The following ETV1 variants were observed in gnomAD, a reference collection of about 807,000 sequenced individuals.
The protein encoded by ETV1 is ETS variant transcription factor 1.
In ETV1, 27 loss-of-function variants were observed where a neutral mutation model predicts 62.3. The ratio of observed to expected loss-of-function variants is 0.43; its 90% CI spans 0.32 to 0.60. The LOEUF (loss-of-function observed/expected upper bound fraction) is 0.60, where lower values mean the gene tolerates loss of function less well. ETV1 is among the 20% of genes least tolerant of loss of function. The probability of loss-of-function intolerance (pLI) is 0.06; values close to 1 mark genes in which losing one functional copy is unlikely to be tolerated. For synonymous variants in ETV1, 222 were observed against 199.6 expected (o/e 1.11, Z -0.94); for missense variants, 605 against 605.8 (o/e 1.00, Z 0.01).
chr7:13,944,648 G>C (rs1787945348), intron 6 of ETV1, among the ~76,000 whole-genome samples: 1 of 145,082 alleles, frequency 6.9e-6, no homozygotes, highest in South Asian at 2.1e-4. Flanking sequence ...CTGAACACAG[G>C]AGCCCCAAAT....
At chr7:13,967,753 C>A (rs1031341484) in intron 6 of ETV1, among the ~76,000 whole-genome samples, 6 of 151,498 alleles carry the variant, frequency 4.0e-5, no homozygotes, top group Non-Finnish European at 7.4e-5. Flanking sequence ...CATACAATTA[C>A]GATGTGAAGG....
intron 6 of ETV1, among the ~76,000 whole-genome samples, chr7:13,943,658 G>A (rs1787814745): frequency 6.6e-6 from 1 of 152,124 alleles, no homozygotes; most frequent in Non-Finnish European, 1.5e-5. Flanking sequence ...CATGGCATAT[G>A]CATACAATGG....
At chr7:13,913,172 A>C (rs1299531339) in intron 9 of ETV1, among the ~76,000 whole-genome samples, 6 of 152,254 alleles carry the variant, frequency 3.9e-5, no homozygotes, top group African/African-American at 1.4e-4. Flanking sequence ...TTGCATATGC[A>C]TTCAGTTCTG....
Position 13,936,490 on chromosome 7 carries a change from T to C in ETV1, c.366-594A>G, listed in dbSNP as rs138783520. On this transcript the variant is annotated intron_variant, in intron 7 of 13. Coordinates refer to ENST00000430479, the MANE Select transcript of ETV1 (RefSeq NM_004956.5). ...TAATGAGGTAAATTAAAATGTCTGA[T>C]ATATTTAAACTTTCTTAGAGAATAA... Among the ~76,000 whole-genome samples, 280 of 152,344 alleles carry C rather than the reference T, an allele frequency of 1.8e-3. 3 individuals carry two copies. The Middle Eastern group carries it at 0.058, about 31-fold the overall frequency.
At chr7:13,925,618 T>G (rs1197529776) in intron 9 of ETV1, among the ~76,000 whole-genome samples, 1 of 151,370 alleles carries the variant, frequency 6.6e-6, no homozygotes, top group Non-Finnish European at 1.5e-5. Flanking sequence ...CAGGCTGGAG[T>G]GCGGTGGCGC....
chr7:13,962,798 T>C (rs561035934), intron 6 of ETV1, among the ~76,000 whole-genome samples: 4 of 152,288 alleles, frequency 2.6e-5, no homozygotes, highest in Non-Finnish European at 5.9e-5. Flanking sequence ...GTGCATTATG[T>C]TATAAATTAG....
chr7:13,924,215 C>T (rs1785162204), intron 9 of ETV1, among the ~76,000 whole-genome samples: 1 of 152,044 alleles, frequency 6.6e-6, no homozygotes. Flanking sequence ...AAGTGTAAGC[C>T]ACTGAGCCAT....
At chr7:13,915,622 G>A (rs1289655981) in intron 9 of ETV1, among the ~76,000 whole-genome samples, 1 of 152,160 alleles carries the variant, frequency 6.6e-6, no homozygotes. Context: ...TTATGCAGAT[G>A]TGTTTAAATG....
intron 5 of ETV1, chr7:13,985,514 A>G (rs1159394401): frequency 6.6e-6 from 1 of 152,234 alleles, no homozygotes; most frequent in Admixed American, 6.6e-5. Context: ...GATCAACTGC[A>G]TTCAAGACCA....
At chr7:13,914,978 C>A (rs1783994161) in intron 9 of ETV1, among the ~76,000 whole-genome samples, 1 of 151,874 alleles carries the variant, frequency 6.6e-6, no homozygotes, top group African/African-American at 2.4e-5. Flanking sequence ...ATTATAACCT[C>A]TAAATAAGGG....
intron 11 of ETV1, chr7:13,907,776 C>T (rs982045956): frequency 6.5e-6 from 3 of 464,278 alleles, no homozygotes; most frequent in Non-Finnish European, 1.3e-5. Flanking sequence ...CCAAATTGCA[C>T]ACTTTCTAAA....
At chr7:13,896,648 G>A (rs1432524859) in intron 13 of ETV1, among the ~76,000 whole-genome samples, 3 of 97,012 alleles carry the variant, frequency 3.1e-5, no homozygotes, top group East Asian at 2.8e-4. Context: ...GGCAGTGTGT[G>A]TTGAAAGAAG....
intron 9 of ETV1, among the ~76,000 whole-genome samples, chr7:13,920,400 C>T (rs1430415145): frequency 6.6e-6 from 1 of 151,982 alleles, no homozygotes; most frequent in African/African-American, 2.4e-5. Context: ...ACACTACACC[C>T]TTCAGCTCTG....
intron 6 of ETV1, among the ~76,000 whole-genome samples, chr7:13,939,737 C>A (rs1787255443): frequency 6.6e-6 from 1 of 152,104 alleles, no homozygotes; most frequent in African/African-American, 2.4e-5. Context: ...AGGCGCAGGT[C>A]CAGAAGTGAC....
At chr7:13,934,306 G>A (rs531076524) in intron 8 of ETV1, among the ~76,000 whole-genome samples, 127 of 152,330 alleles carry the variant, frequency 8.3e-4, no homozygotes, top group African/African-American at 2.9e-3. Context: ...GAAAAGACAA[G>A]GCTTTGTATC....
chr7:13,937,782 C>A (rs1224423240), intron 7 of ETV1, among the ~76,000 whole-genome samples: 1 of 152,216 alleles, frequency 6.6e-6, no homozygotes, highest in Non-Finnish European at 1.5e-5. Flanking sequence ...TTACCTTCTA[C>A]AAGAGACCTT....
chr7:13,981,402 T>G (rs936348669), intron 5 of ETV1, among the ~76,000 whole-genome samples: 1 of 152,120 alleles, frequency 6.6e-6, no homozygotes, highest in African/African-American at 2.4e-5. Context: ...CTAAAGCAAG[T>G]AAACTTGGAC....
At chr7:13,961,381 C>G (rs1230973206) in intron 6 of ETV1, among the ~76,000 whole-genome samples, 1 of 152,044 alleles carries the variant, frequency 6.6e-6, no homozygotes, top group Non-Finnish European at 1.5e-5. Context: ...AAGCTGAATA[C>G]CACTTCATTG....
At chr7:13,988,315 G>A in intron 3 of ETV1, 142 bp from the exon 4 acceptor site, 3 of 611,914 alleles carry the variant, frequency 4.9e-6, no homozygotes, top group Non-Finnish European at 8.6e-6. Flanking sequence ...GAAGTCCATA[G>A]TATCAACTCT....
Sources: allele counts gnomAD v4.1 joint callset (sites outside exome capture counted in the v4.1 genomes callset), GRCh38; gene constraint gnomAD v4.1.1; transcripts MANE v1.5; gene names NCBI Gene and HGNC (gene_info 2026-07-23, HGNC 2026-07-21).